TTC6: variants seen among roughly 807,000 people sequenced by gnomAD.
TTC6 encodes tetratricopeptide repeat protein 6.
In TTC6, 172 loss-of-function variants were observed where a neutral mutation model predicts 210.4. That is an observed-to-expected ratio of 0.82 (90% CI 0.72 to 0.93). TTC6 has a LOEUF of 0.93. TTC6 is among the 40% of genes least tolerant of loss of function. The pLI is 0.00. For synonymous variants in TTC6, 804 were observed against 819.6 expected, an observed-to-expected ratio of 0.98 and a Z score of 0.32; for missense variants, 2,414 against 2,318.1, an observed-to-expected ratio of 1.04 and a Z score of -0.85.
At chr14:37,661,199 C>T (rs886726187) in intron 1 of TTC6, among the ~76,000 whole-genome samples, 7 of 152,232 alleles carry the variant, frequency 4.6e-5, no homozygotes, top group African/African-American at 7.2e-5. Context: ...AATTAGATCC[C>T]GTTTGTCAAT....
chr14:37,671,107 T>C (rs1265806469), intron 1 of TTC6, among the ~76,000 whole-genome samples: 1 of 152,150 alleles, frequency 6.6e-6, no homozygotes, highest in African/African-American at 2.4e-5. Context: ...GTCAAGATCT[T>C]GTCTGGGGCT....
intron 1 of TTC6, among the ~76,000 whole-genome samples, chr14:37,634,236 A>G (rs550464027): frequency 6.6e-6 from 1 of 152,350 alleles, no homozygotes; most frequent in East Asian, 1.9e-4. Flanking sequence ...AACAAACAGA[A>G]AAGTAGAAAT....
chr14:37,826,373 T>C (rs1049421957), intron 28 of TTC6, 26 bp downstream of exon 30: 3 of 1,561,310 alleles, frequency 1.9e-6, no homozygotes, highest in Middle Eastern at 1.7e-4. Context: ...GATTATATTA[T>C]TATTAGCATA....
chr14:37,740,801 T>C (rs1277939824), intron 10 of TTC6, among the ~76,000 whole-genome samples: 3 of 152,240 alleles, frequency 2.0e-5, no homozygotes, highest in African/African-American at 7.2e-5. Context: ...AGTTTGCTTA[T>C]ACATTTTCAA....
intron 14 of TTC6, among the ~76,000 whole-genome samples, chr14:37,763,141 GC>G (rs1460406891): frequency 3.3e-5 from 5 of 151,918 alleles, no homozygotes; most frequent in Non-Finnish European, 7.4e-5. Flanking sequence ...GCCTGCCTCA[GC>G]CTCCCAAAGT....
chr14:37,667,272 AT>A (rs1211496982), intron 1 of TTC6, among the ~76,000 whole-genome samples: 1 of 149,970 alleles, frequency 6.7e-6, no homozygotes, highest in East Asian at 1.9e-4. Flanking sequence ...TTAATCAATT[AT>A]TTCTTATTTC....
intron 10 of TTC6, among the ~76,000 whole-genome samples, chr14:37,747,418 G>A (rs1350400171): frequency 6.6e-6 from 1 of 152,144 alleles, no homozygotes; most frequent in Non-Finnish European, 1.5e-5. Context: ...AGTATCCTGG[G>A]ATTAAAAATG....
Position 37,622,232 on chromosome 14 carries a change from C to CCCCGG in TTC6, c.178_182dup (p.Arg64ProfsTer72), listed in dbSNP as rs918936232. On this transcript the variant is annotated frameshift_variant, in exon 1 of 31. Transcript: ENST00000553443. LOFTEE classifies it high-confidence loss of function. Reference sequence around the variant, plus strand: ...AAAGCCCAGTCCACAGCCTCCATGCCCCCGGCCCGGCCCGCCCCGCGCGCG... The same window carrying CCCCGG: ...AAAGCCCAGTCCACAGCCTCCATGCCCCCGGCCCGGCCCGGCCCGCCCCGCGCGCG... 153 of 1,535,500 alleles carry CCCCGG rather than the reference C, an allele frequency of 1.0e-4. No individual in the cohort carries two copies. The highest frequency in any genetic ancestry group is 1.7e-4 in the East Asian group (7 of 40,716).
intron 25 of TTC6, among the ~76,000 whole-genome samples, chr14:37,813,969 C>A (rs749576834): frequency 6.6e-6 from 1 of 152,242 alleles, no homozygotes; most frequent in Non-Finnish European, 1.5e-5. Flanking sequence ...CTCTCCTGGA[C>A]TACTGTAGTA....
chr14:37,659,772 TG>T (rs1166423462), intron 1 of TTC6, among the ~76,000 whole-genome samples: 6 of 152,186 alleles, frequency 3.9e-5, no homozygotes, highest in South Asian at 4.1e-4. Flanking sequence ...CCGCCCACCT[TG>T]GCCTCCCAAA....
intron 29 of TTC6, among the ~76,000 whole-genome samples, chr14:37,839,735 T>C (rs1186571936): frequency 6.6e-6 from 1 of 152,216 alleles, no homozygotes; most frequent in East Asian, 1.9e-4. Context: ...GCCTATGTCC[T>C]GTATGGTATC....
chr14:37,609,559 T>A (rs2095630850), intron 2 of TTC6, among the ~76,000 whole-genome samples: 2 of 152,214 alleles, frequency 1.3e-5, no homozygotes, highest in African/African-American at 4.8e-5. Flanking sequence ...TACTGCCTAG[T>A]TCATGGATTG....
intron 14 of TTC6, chr14:37,772,684 A>T (rs979030102): frequency 6.4e-6 from 1 of 157,014 alleles, no homozygotes; most frequent in Non-Finnish European, 1.4e-5. Context: ...GCGCGCACCC[A>T]CTGACCTGCG....
intron 1 of TTC6, among the ~76,000 whole-genome samples, chr14:37,597,240 A>G (rs183242206): frequency 6.6e-6 from 1 of 152,238 alleles, no homozygotes; most frequent in Admixed American, 6.5e-5. Context: ...CTTTAGTTCC[A>G]TTTGTAAAGT....
chr14:37,695,077 C>G (rs1206139419), intron 3 of TTC6, among the ~76,000 whole-genome samples: 2 of 144,504 alleles, frequency 1.4e-5, no homozygotes, highest in Non-Finnish European at 3.0e-5. Flanking sequence ...CAGATTCAGT[C>G]ATTTGCAACA....
chr14:37,714,870 T>C, intron 6 of TTC6, 74 bp downstream of exon 8: 1 of 1,396,628 alleles, frequency 7.2e-7, no homozygotes, highest in Non-Finnish European at 9.6e-7. Flanking sequence ...GGAGACTTTT[T>C]TCACTCTTAA....
intron 6 of TTC6, among the ~76,000 whole-genome samples, chr14:37,720,098 A>G (rs2095858953): frequency 6.6e-6 from 1 of 152,230 alleles, no homozygotes; most frequent in African/African-American, 2.4e-5. Flanking sequence ...GATGCGCAAC[A>G]TCATTAGCTA....
chr14:37,787,830 T>C (rs1215447573), intron 15 of TTC6, among the ~76,000 whole-genome samples, 193 bp downstream of exon 17: 2 of 152,158 alleles, frequency 1.3e-5, no homozygotes, highest in African/African-American at 4.8e-5. Context: ...TATATGAATA[T>C]ATAGCTATAA....
At chr14:37,793,256 A>AC (rs2139346906) in intron 17 of TTC6, among the ~76,000 whole-genome samples, 1 of 152,142 alleles carries the variant, frequency 6.6e-6, no homozygotes, top group East Asian at 1.9e-4. Context: ...GGTCTGCAAG[A>AC]CCCCACAGGA....
Sources: allele counts gnomAD v4.1 joint callset (sites outside exome capture counted in the v4.1 genomes callset), GRCh38; gene constraint gnomAD v4.1.1; transcripts MANE v1.5; gene names NCBI Gene and HGNC (gene_info 2026-07-23, HGNC 2026-07-21).